Variants in DHRS3 observed in about 807,000 individuals in gnomAD.
DHRS3 encodes the protein dehydrogenase/reductase 3.
DHRS3 carries 14 observed loss-of-function variants against 27.2 expected under a neutral mutation model. That is an observed-to-expected ratio of 0.52 (90% CI 0.34 to 0.81). The LOEUF (loss-of-function observed/expected upper bound fraction) is 0.81, where lower values mean the gene tolerates loss of function less well. Ranked by LOEUF, DHRS3 falls within the 30% of genes least tolerant of loss-of-function variation. The probability of loss-of-function intolerance (pLI) is 0.01; values close to 1 mark genes in which losing one functional copy is unlikely to be tolerated. For missense variants in DHRS3, 322 were observed against 406.2 expected (o/e 0.79, Z 1.78); for synonymous variants, 165 against 175.9 (o/e 0.94, Z 0.49).
rs2100692407 is a variant in DHRS3, at chr1:12,592,454, G to A, written c.196-11788C>T. On this transcript the variant is annotated intron_variant, in intron 1 of 5. Coordinates refer to ENST00000616661, the MANE Select transcript of DHRS3 (RefSeq NM_004753.7). The surrounding 1 kb of genome is among the most constrained non-coding windows in gnomAD (Gnocchi z 4.2). ...GAAGAAAGACATACACAGAGGAGAG[G>A]AAGGCCGCGTGAAGATGGAAGCAGA... is the stretch of plus-strand genomic sequence containing the variant. 6.6e-6 allele frequency among the ~76,000 whole-genome samples: 1 copy of A among 152,316 alleles called. No individual in the cohort carries two copies. The highest frequency in any genetic ancestry group is 2.1e-4 in the South Asian group (1 of 4,822).
chr1:12,580,632 T>C lies in DHRS3; in HGVS notation c.230A>G (p.Lys77Arg), dbSNP rs774180396. 2 of 1,613,952 alleles carry C rather than the reference T, an allele frequency of 1.2e-6. No homozygotes were observed. The highest frequency in any genetic ancestry group is 2.7e-5 in the African/African-American group (2 of 74,924). The change falls in exon 2 of 6, where the codon AAG becomes AGG. Residue 77 changes from lysine (K) to arginine (R), a missense_variant. Coordinates refer to ENST00000616661, the MANE Select transcript of DHRS3 (RefSeq NM_004753.7). The stretch of plus-strand genomic sequence containing the variant: ...CTGCCGGATCTCCTCCGTCGTCTCC[T>C]TCAGGCATTTCTCAGTCCGGCCCCA... ...VLWGRTEKCL[K>R]ETTEEIRQMG...
intron 1 of DHRS3, among the ~76,000 whole-genome samples, chr1:12,583,903 G>A (rs1646669471): frequency 6.7e-6 from 1 of 149,478 alleles, no homozygotes; most frequent in Non-Finnish European, 1.5e-5. Flanking sequence ...TTACTCACCT[G>A]CCCAATTCCA....
chr1:12,607,236 T>G (rs912163314), intron 1 of DHRS3, among the ~76,000 whole-genome samples: 3 of 152,218 alleles, frequency 2.0e-5, no homozygotes, highest in African/African-American at 7.2e-5. Context: ...CAGTCCTGAT[T>G]TGGCTGTTTC....
At position 12,617,268 on chromosome 1, in the gene DHRS3, C is replaced by A. The variant is rs775852532; in HGVS notation, c.81G>T (p.Leu27=). The A allele has an allele frequency of 6.2e-7, 1 of 1,613,828 alleles. No individual in the cohort carries two copies. Among genetic ancestry groups the A allele is most frequent in the South Asian group, 1.1e-5 (1 of 91,084 alleles). Reference sequence around the variant, plus strand: ...GGTCCCGCAGCTTGGCGGGCAGCACCAGTCCGACGGCTGCTTTCACCACCA... The same window carrying A: ...GGTCCCGCAGCTTGGCGGGCAGCACAAGTCCGACGGCTGCTTTCACCACCA... ...IYLVVKAAVG[L]VLPAKLRDLS... is the part of the protein sequence containing the mutation. The change falls in exon 1 of 6, where the codon CTG becomes CTT. Residue 27 remains leucine, a synonymous_variant. Coordinates refer to ENST00000616661, the MANE Select transcript of DHRS3 (RefSeq NM_004753.7).
intron 4 of DHRS3, among the ~76,000 whole-genome samples, chr1:12,576,997 C>T (rs927003186): frequency 2.0e-5 from 3 of 151,718 alleles, no homozygotes; most frequent in Non-Finnish European, 4.4e-5. Context: ...CAACAATCAA[C>T]ACCGCACTGT....
At chr1:12,602,341 A>C (rs1019203602) in intron 1 of DHRS3, among the ~76,000 whole-genome samples, 8 of 150,794 alleles carry the variant, frequency 5.3e-5, no homozygotes, top group Non-Finnish European at 1.2e-4. Flanking sequence ...TCATCTCAAC[A>C]GAGGTGAGGC....
Position 12,617,276 on chromosome 1 carries a change from C to T in DHRS3, c.73G>A (p.Val25Ile). Residue 25 changes from valine to isoleucine, a missense_variant, in exon 1 of 6, where the codon GTC becomes ATC. Transcript: ENST00000616661. ...AGCTTGGCGGGCAGCACCAGTCCGA[C>T]GGCTGCTTTCACCACCAGATAGATC... ...QMIYLVVKAA[V>I]GLVLPAKLRD... The T allele has an allele frequency of 4.3e-6, 7 of 1,613,822 alleles. No individual in the cohort carries two copies. Among genetic ancestry groups the T allele is most frequent in the Non-Finnish European group, 5.9e-6 (7 of 1,179,982 alleles).
intron 1 of DHRS3, among the ~76,000 whole-genome samples, chr1:12,600,065 C>T (rs1479225259): frequency 6.6e-6 from 1 of 152,146 alleles, no homozygotes. Flanking sequence ...TCAGAGAGGT[C>T]CAGTAACTTG....
At chr1:12,572,653 G>A (rs549768090) in intron 5 of DHRS3, 75 bp downstream of exon 5, 4 of 1,541,504 alleles carry the variant, frequency 2.6e-6, no homozygotes, top group African/African-American at 2.7e-5. Flanking sequence ...TCATGCTCAT[G>A]CCCGCAGCAG....
chr1:12,573,609 C>T lies in DHRS3; in HGVS notation c.699-756G>A, dbSNP rs1282847563. Among the ~76,000 whole-genome samples the T allele has an allele frequency of 2.0e-5, 3 of 152,360 alleles. No homozygotes were observed. In the East Asian group the frequency reaches 5.8e-4, roughly 29 times the overall value. ...TGCTCATTCTGTCTGGAGGCAGGGG[C>T]TTGGCTAGCGATGGCTGGGGCTCAG... On this transcript the variant is annotated intron_variant, in intron 4 of 5. Coordinates refer to ENST00000616661, the MANE Select transcript of DHRS3 (RefSeq NM_004753.7).
chr1:12,615,802 A>G (rs1646940518), intron 1 of DHRS3, among the ~76,000 whole-genome samples: 1 of 152,190 alleles, frequency 6.6e-6, no homozygotes, highest in Non-Finnish European at 1.5e-5. Context: ...TGCTGAGAAC[A>G]ACTCTGACTT....
At chr1:12,614,666 CT>C (rs1370539331) in intron 1 of DHRS3, among the ~76,000 whole-genome samples, 1 of 151,400 alleles carries the variant, frequency 6.6e-6, no homozygotes. Context: ...CAGATAACTC[CT>C]GGACACGTCA....
intron 1 of DHRS3, among the ~76,000 whole-genome samples, chr1:12,612,466 G>C (rs893903778): frequency 5.9e-5 from 9 of 152,114 alleles, no homozygotes; most frequent in African/African-American, 2.2e-4. Context: ...TTGATCAGGT[G>C]GTTTCTTGTA....
At chr1:12,581,977 C>A (rs1279223578) in intron 1 of DHRS3, among the ~76,000 whole-genome samples, 1 of 152,132 alleles carries the variant, frequency 6.6e-6, no homozygotes, top group Non-Finnish European at 1.5e-5. Flanking sequence ...ACGCGTGAAA[C>A]CTAGAAAAGG....
chr1:12,583,474 A>C, intron 1 of DHRS3, among the ~76,000 whole-genome samples: 2 of 114,850 alleles, frequency 1.7e-5, no homozygotes, highest in African/African-American at 3.5e-5. Context: ...CCATCCATCC[A>C]CCCATCCACT....
rs1381304327 is a variant in DHRS3 at position 12,618,014 on chromosome 1, G to C, written c.-666C>G. On this transcript the variant is annotated 5_prime_UTR_variant, in exon 1 of 6. Transcript: ENST00000616661. This position sits in a 1 kb window ranked among gnomAD's most constrained non-coding sequence, Gnocchi z 4.2. ...CGTGCAGGAGAAGTGGGGGGTCCGG[G>C]TGTCAGTTTCTTTACGTGCAGCGCT... 1.3e-5 allele frequency among the ~76,000 whole-genome samples: 2 copies of C among 152,074 alleles called. No homozygotes were observed. Among genetic ancestry groups the C allele is most frequent in the Non-Finnish European group, 2.9e-5 (2 of 68,014 alleles).
chr1:12,579,923 T>C (rs1646628992), intron 2 of DHRS3: 1 of 184,060 alleles, frequency 5.4e-6, no homozygotes, highest in Non-Finnish European at 1.2e-5. Flanking sequence ...GTTCCAGTTA[T>C]CCTGCATACA....
intron 4 of DHRS3, among the ~76,000 whole-genome samples, chr1:12,576,531 C>T (rs1260520312): frequency 1.3e-5 from 2 of 151,542 alleles, no homozygotes; most frequent in Non-Finnish European, 2.9e-5. Flanking sequence ...CACTGCACTC[C>T]AGCCTGGGCG....
intron 1 of DHRS3, among the ~76,000 whole-genome samples, chr1:12,610,368 A>G (rs1404362974): frequency 6.6e-6 from 1 of 151,980 alleles, no homozygotes; most frequent in East Asian, 1.9e-4. Flanking sequence ...CTGGGATTAC[A>G]GGCATGAGAA....
Sources: allele counts gnomAD v4.1 joint callset (sites outside exome capture counted in the v4.1 genomes callset), GRCh38; gene constraint gnomAD v4.1.1; non-coding constraint Gnocchi (gnomAD v3.1); transcripts MANE v1.5; gene names NCBI Gene and HGNC (gene_info 2026-07-23, HGNC 2026-07-21).